The following MAN2A1 variants were observed in gnomAD, a reference collection of about 807,000 sequenced individuals.
MAN2A1 encodes the protein alpha-mannosidase 2.
Under a neutral mutation model 142.6 loss-of-function variants are expected in MAN2A1, and 76 were observed. The observed-to-expected ratio is 0.53, with a 90% CI of 0.44 to 0.65. The LOEUF (loss-of-function observed/expected upper bound fraction) is 0.65. MAN2A1 is among the 30% of genes least tolerant of loss of function. The pLI is 0.00. For missense variants in MAN2A1, 1,311 were observed against 1,365.1 expected, an observed-to-expected ratio of 0.96 and a Z score of 0.62; for synonymous variants, 559 against 473.2, an observed-to-expected ratio of 1.18 and a Z score of -2.35.
chr5:109,847,544 C>A, intron 18 of MAN2A1, 113 bp from the exon 19 acceptor site: 1 of 938,886 alleles, frequency 1.1e-6, no homozygotes, highest in Non-Finnish European at 1.4e-6. Flanking sequence ...ACCTCCTTGA[C>A]TAGAGAGGAA....
chr5:109,842,162 A>G (rs1755222444), intron 16 of MAN2A1, among the ~76,000 whole-genome samples, 166 bp from the exon 17 acceptor site: 1 of 152,204 alleles, frequency 6.6e-6, no homozygotes, highest in Non-Finnish European at 1.5e-5. Context: ...GATAGTTTTT[A>G]AAAAGAAAAG....
chr5:109,724,772 G>A (rs1352496481), intron 3 of MAN2A1, among the ~76,000 whole-genome samples: 1 of 152,166 alleles, frequency 6.6e-6, no homozygotes, highest in Non-Finnish European at 1.5e-5. Flanking sequence ...CCTTCTTAGG[G>A]ATGGGTGTTT....
chr5:109,692,835 A>G (rs1052003348), intron 1 of MAN2A1, among the ~76,000 whole-genome samples: 1 of 151,972 alleles, frequency 6.6e-6, no homozygotes, highest in African/African-American at 2.4e-5. Context: ...TGGTTTGGGG[A>G]TGAAGCTGTT....
chr5:109,862,680 C>T (rs1280148537), intron 20 of MAN2A1: 1 of 152,122 alleles, frequency 6.6e-6, no homozygotes, highest in African/African-American at 2.4e-5. Context: ...TTCACAGTTT[C>T]CCTACTTTGA....
chr5:109,836,738 A>G (rs1314363178), intron 16 of MAN2A1, among the ~76,000 whole-genome samples: 1 of 152,194 alleles, frequency 6.6e-6, no homozygotes, highest in Admixed American at 6.5e-5. Flanking sequence ...TATAAATAAT[A>G]TATATGTGTA....
At position 109,838,645 on chromosome 5, in the gene MAN2A1, TC is replaced by T. The variant is rs567724469; in HGVS notation, c.2567-3682del. On this transcript the variant is annotated intron_variant, in intron 16 of 21. Coordinates refer to ENST00000261483, the MANE Select transcript of MAN2A1 (RefSeq NM_002372.4). ...TGATCTTTAAAAAAATAATAAATTATCATTGAGAACTCAGGGATACCTCCTT... is the reference window on the plus strand; with the variant it reads ...TGATCTTTAAAAAAATAATAAATTATATTGAGAACTCAGGGATACCTCCTT... Among the ~76,000 whole-genome samples the T allele has an allele frequency of 1.7e-3, 257 of 152,346 alleles. 2 individuals carry two copies. Among genetic ancestry groups the T allele is most frequent in the African/African-American group, 6.0e-3 (251 of 41,572 alleles).
At chr5:109,823,595 C>G (rs1354587206) in intron 15 of MAN2A1, 128 bp from the exon 16 acceptor site, 2 of 562,964 alleles carry the variant, frequency 3.6e-6, no homozygotes, top group East Asian at 3.1e-5. Context: ...CTTGTAAGAT[C>G]TGGTTTACAC....
chr5:109,758,727 TTG>T (rs1276873810), intron 5 of MAN2A1, among the ~76,000 whole-genome samples: 4 of 149,114 alleles, frequency 2.7e-5, no homozygotes, highest in Non-Finnish European at 5.9e-5. Context: ...ATTAATATAA[TTG>T]TTATATTAAC....
chr5:109,742,073 A>G (rs1317060061), intron 4 of MAN2A1, among the ~76,000 whole-genome samples: 1 of 152,236 alleles, frequency 6.6e-6, no homozygotes, highest in African/African-American at 2.4e-5. Flanking sequence ...ACCCTTATTG[A>G]GAGTCAGGCA....
intron 1 of MAN2A1, among the ~76,000 whole-genome samples, chr5:109,706,756 A>G (rs1751144809): frequency 6.6e-6 from 1 of 152,162 alleles, no homozygotes. Context: ...TGAAGGAAAA[A>G]AAAAACATAA....
At chr5:109,755,237 A>T in intron 4 of MAN2A1, 92 bp from the exon 5 acceptor site, 1 of 988,068 alleles carries the variant, frequency 1.0e-6, no homozygotes, top group Non-Finnish European at 1.6e-6. Context: ...GGTTATATTT[A>T]AAGGCTGTTC....
chr5:109,783,956 C>G (rs1753529776), intron 9 of MAN2A1, among the ~76,000 whole-genome samples: 1 of 151,950 alleles, frequency 6.6e-6, no homozygotes, highest in African/African-American at 2.4e-5. Flanking sequence ...GCCTCAAACT[C>G]TTGGGCTCAA....
intron 4 of MAN2A1, among the ~76,000 whole-genome samples, chr5:109,742,216 A>G (rs1189333436): frequency 6.6e-6 from 1 of 152,196 alleles, no homozygotes; most frequent in Non-Finnish European, 1.5e-5. Context: ...ACCAGTGTTG[A>G]GTGGAGAAAC....
At chr5:109,811,856 C>T (rs1268572345) in intron 12 of MAN2A1, among the ~76,000 whole-genome samples, 2 of 152,140 alleles carry the variant, frequency 1.3e-5, no homozygotes, top group African/African-American at 4.8e-5. Flanking sequence ...CATGTGGTTA[C>T]TTTGAATGTG....
At chr5:109,804,843 TAAC>T (rs1173043402) in intron 12 of MAN2A1, among the ~76,000 whole-genome samples, 2 of 152,182 alleles carry the variant, frequency 1.3e-5, no homozygotes, top group Non-Finnish European at 2.9e-5. Context: ...TTTCTGTCCT[TAAC>T]AACAAAACAG....
At chr5:109,855,627 C>G (rs1410883316) in intron 20 of MAN2A1, among the ~76,000 whole-genome samples, 2 of 152,154 alleles carry the variant, frequency 1.3e-5, no homozygotes, top group African/African-American at 4.8e-5. Context: ...TTTTCCCATT[C>G]ATTTCTCCTT....
At chr5:109,810,994 T>G (rs533310530) in intron 12 of MAN2A1, among the ~76,000 whole-genome samples, 95 of 148,932 alleles carry the variant, frequency 6.4e-4, no homozygotes, top group Non-Finnish European at 1.2e-3. Context: ...TTTTACTATT[T>G]TTTTTTTTTT....
intron 4 of MAN2A1, among the ~76,000 whole-genome samples, chr5:109,735,877 A>AATT (rs1752078455): frequency 1.4e-5 from 1 of 70,540 alleles, no homozygotes; most frequent in Non-Finnish European, 2.6e-5. Context: ...TTTCCATTGG[A>AATT]GTTTTTTTTT....
chr5:109,839,707 A>G lies in MAN2A1; in HGVS notation c.2567-2621A>G, dbSNP rs144227162. 8.4e-4 allele frequency among the ~76,000 whole-genome samples: 121 copies of G among 144,634 alleles called. No individual in the cohort carries two copies. The East Asian group carries it at 0.018, about 22-fold the overall frequency. 94.9% of individuals were successfully genotyped at this position (144,634 alleles called of 152,430 possible). A position where few individuals can be genotyped will look rare whatever the true frequency, so the allele number is the denominator to read the frequency against. On this transcript the variant is annotated intron_variant, in intron 16 of 21. Coordinates refer to ENST00000261483, the MANE Select transcript of MAN2A1 (RefSeq NM_002372.4). ...GCATTTCCTCACCCATGGAGATGGT[A>G]CTCATAATAGTTTTATGAATGTAGG...
Sources: allele counts gnomAD v4.1 joint callset (sites outside exome capture counted in the v4.1 genomes callset), GRCh38; gene constraint gnomAD v4.1.1; transcripts MANE v1.5; gene names NCBI Gene and HGNC (gene_info 2026-07-23, HGNC 2026-07-21).